Variants in KCNH1 observed in about 807,000 individuals in gnomAD.
The protein encoded by KCNH1 is voltage-gated delayed rectifier potassium channel KCNH1.
Under a neutral mutation model 69.2 loss-of-function variants are expected in KCNH1, and 27 were observed. The observed-to-expected ratio is 0.39, with a 90% CI of 0.29 to 0.54. The LOEUF is 0.54. KCNH1 is among the 20% of genes least tolerant of loss of function. The probability of loss-of-function intolerance (pLI) is 0.68; values close to 1 mark genes in which losing one functional copy is unlikely to be tolerated. For missense variants in KCNH1, 798 were observed against 1,261.6 expected (o/e 0.63, Z 5.57); for synonymous variants, 456 against 487.7 (o/e 0.93, Z 0.86).
At chr1:210,949,780 C>T (rs1353990335) in intron 6 of KCNH1, among the ~76,000 whole-genome samples, 1 of 152,228 alleles carries the variant, frequency 6.6e-6, no homozygotes, top group African/African-American at 2.4e-5. Flanking sequence ...TATTTTGGCA[C>T]ATTCCAAGCT....
chr1:210,898,523 G>A (rs1686920270), intron 7 of KCNH1, among the ~76,000 whole-genome samples: 1 of 152,124 alleles, frequency 6.6e-6, no homozygotes. Flanking sequence ...GAAGTATGGG[G>A]CTTACTGACA....
chr1:210,820,666 G>A (rs145521049), intron 7 of KCNH1, among the ~76,000 whole-genome samples: 3 of 152,142 alleles, frequency 2.0e-5, no homozygotes, highest in East Asian at 1.9e-4. Flanking sequence ...GGAACTTTGC[G>A]GATTGATTAA....
rs75902571 is a variant in KCNH1 at position 210,962,631 on chromosome 1, C to A, written c.1033-42562G>T. On this transcript the variant is annotated intron_variant, in intron 6 of 10. Transcript: ENST00000271751. The stretch of plus-strand genomic sequence containing the variant: ...ATAACATTCCATTGGGTGAATATAC[C>A]ACCCAATGGAATTTTATTTCATATT... Among the ~76,000 whole-genome samples, 1,419 of 151,720 alleles carry A rather than the reference C, an allele frequency of 9.4e-3. 24 individuals carry two copies. The highest frequency in any genetic ancestry group is 0.032 in the African/African-American group (1,325 of 41,350).
At chr1:210,950,086 T>G (rs1357635880) in intron 6 of KCNH1, among the ~76,000 whole-genome samples, 1 of 152,342 alleles carries the variant, frequency 6.6e-6, no homozygotes, top group African/African-American at 2.4e-5. Flanking sequence ...CTCTCCCACC[T>G]TCATTCTTCT....
intron 7 of KCNH1, among the ~76,000 whole-genome samples, chr1:210,914,860 C>A (rs1211205664): frequency 1.3e-5 from 2 of 151,968 alleles, no homozygotes; most frequent in Non-Finnish European, 2.9e-5. Flanking sequence ...GGTAGGAGAC[C>A]AAATATTAGG....
chr1:211,038,408 C>G (rs1408523428), intron 5 of KCNH1, among the ~76,000 whole-genome samples: 1 of 152,158 alleles, frequency 6.6e-6, no homozygotes, highest in Non-Finnish European at 1.5e-5. Context: ...CGGACTAATA[C>G]AGTAAATTGG....
At chr1:210,780,913 G>A (rs1383452949) in intron 9 of KCNH1, among the ~76,000 whole-genome samples, 2 of 152,176 alleles carry the variant, frequency 1.3e-5, no homozygotes, top group Non-Finnish European at 2.9e-5. Context: ...CGGGCGTGGT[G>A]GCAGGTGCCT....
At chr1:211,002,332 G>A (rs1177283370) in intron 6 of KCNH1, among the ~76,000 whole-genome samples, 2 of 135,624 alleles carry the variant, frequency 1.5e-5, no homozygotes, top group Admixed American at 7.2e-5. Flanking sequence ...ATATATGTGT[G>A]TGTGTGTATA....
At chr1:210,998,761 A>G (rs1047075539) in intron 6 of KCNH1, among the ~76,000 whole-genome samples, 5 of 152,222 alleles carry the variant, frequency 3.3e-5, no homozygotes, top group Non-Finnish European at 5.9e-5. Flanking sequence ...CATAGTGGGA[A>G]GTAAAGCACT....
intron 2 of KCNH1, 93 bp downstream of exon 2, chr1:211,107,161 G>T: frequency 1.4e-6 from 2 of 1,406,848 alleles, no homozygotes; most frequent in Non-Finnish European, 2.0e-6. Flanking sequence ...CACTAAATGA[G>T]GTAAAGGCAA....
rs553911716 is a variant in KCNH1 at position 210,730,595 on chromosome 1, A to C, written c.2112+44753T>G. On this transcript the variant is annotated intron_variant, in intron 10 of 10. Coordinates refer to ENST00000271751, the MANE Select transcript of KCNH1 (RefSeq NM_172362.3). ...ACCATTGCTTTTCCAGCTTTTCCCCATGTAACCCTTCTGGAGTCTTACTAT... is the reference window on the plus strand; with the variant it reads ...ACCATTGCTTTTCCAGCTTTTCCCCCTGTAACCCTTCTGGAGTCTTACTAT... 3.2e-5 allele frequency among the ~76,000 whole-genome samples: 4 copies of C among 123,566 alleles called. 1 individual carries two copies. The highest frequency in any genetic ancestry group is 6.5e-5 in the Non-Finnish European group (4 of 61,360). 81.1% of individuals were successfully genotyped at this position (123,566 alleles called of 152,430 possible).
At chr1:210,928,073 T>G (rs900419269) in intron 6 of KCNH1, among the ~76,000 whole-genome samples, 2 of 152,080 alleles carry the variant, frequency 1.3e-5, no homozygotes, top group Non-Finnish European at 2.9e-5. Context: ...CAATTACTAC[T>G]AGACCTAAGA....
intron 10 of KCNH1, among the ~76,000 whole-genome samples, chr1:210,685,813 G>A (rs1681397135): frequency 6.6e-6 from 1 of 152,176 alleles, no homozygotes; most frequent in African/African-American, 2.4e-5. Flanking sequence ...CCAACAAGAT[G>A]ATTGTTTTAT....
chr1:211,050,180 G>T (rs576605835), intron 5 of KCNH1, among the ~76,000 whole-genome samples: 4 of 140,794 alleles, frequency 2.8e-5, no homozygotes, highest in Non-Finnish European at 4.5e-5. Flanking sequence ...ATTCCATAGA[G>T]TTCCAAAAAG....
chr1:210,924,415 T>C (rs1687526605), intron 6 of KCNH1, among the ~76,000 whole-genome samples: 1 of 152,218 alleles, frequency 6.6e-6, no homozygotes, highest in Non-Finnish European at 1.5e-5. Flanking sequence ...CATTTTTTCA[T>C]TGTGTTATTT....
chr1:210,877,897 T>G (rs543744506), intron 7 of KCNH1, among the ~76,000 whole-genome samples: 1 of 152,078 alleles, frequency 6.6e-6, no homozygotes, highest in Non-Finnish European at 1.5e-5. Flanking sequence ...TCATTAACAG[T>G]GTAAGTCAAA....
At chr1:211,002,462 A>T (rs564705438) in intron 6 of KCNH1, among the ~76,000 whole-genome samples, 1 of 151,842 alleles carries the variant, frequency 6.6e-6, no homozygotes, top group East Asian at 1.9e-4. Context: ...TGAAGAGATA[A>T]AGCAATCTGT....
intron 6 of KCNH1, among the ~76,000 whole-genome samples, chr1:210,995,385 G>A (rs964481435): frequency 6.6e-6 from 1 of 152,108 alleles, no homozygotes; most frequent in African/African-American, 2.4e-5. Flanking sequence ...AATTAACACA[G>A]CAATTGTCTG....
At chr1:210,788,917 C>T (rs1392185688) in intron 9 of KCNH1, among the ~76,000 whole-genome samples, 2 of 151,370 alleles carry the variant, frequency 1.3e-5, no homozygotes, top group East Asian at 1.9e-4. Context: ...GGGATGGTCT[C>T]GATCTCCTGA....
Sources: gnomAD v4.1 joint callset for allele counts (sites outside exome capture counted in the v4.1 genomes callset) on GRCh38, gnomAD v4.1.1 for gene constraint, MANE v1.5 for transcripts, NCBI Gene and HGNC (gene_info 2026-07-23, HGNC 2026-07-21) for gene names.